Variants in DTD1 observed in about 807,000 individuals in gnomAD.
DTD1 encodes the protein D-aminoacyl-tRNA deacylase 1.
Under a neutral mutation model 25.6 loss-of-function variants are expected in DTD1, and 13 were observed. The observed-to-expected ratio is 0.51, with a 90% CI of 0.33 to 0.81. The LOEUF (loss-of-function observed/expected upper bound fraction) is 0.81. Among genes scored for constraint, DTD1 ranks in the 30% least tolerant of loss-of-function variants. The pLI, the probability that DTD1 is intolerant of heterozygous loss-of-function variation, is 0.02. For synonymous variants in DTD1, 110 were observed against 103.6 expected (o/e 1.06, Z -0.37); for missense variants, 193 against 266.4 (o/e 0.72, Z 1.92).
rs1223359269 is a variant in DTD1 at position 18,606,695 on chromosome 20, G to A, written c.370+10454G>A. On this transcript the variant is annotated intron_variant, in intron 3 of 5. Coordinates refer to ENST00000377452, the MANE Select transcript of DTD1 (RefSeq NM_080820.6). ...TCGCAAGAACAAAAAACCAAACACC[G>A]CATGTTCTCACTCATAGGTGGGAAT... 5.4e-5 allele frequency among the ~76,000 whole-genome samples: 7 copies of A among 129,710 alleles called. No individual in the cohort carries two copies. In the East Asian group the frequency reaches 1.1e-3, roughly 20 times the overall value. 85.1% of individuals were successfully genotyped at this position (129,710 alleles called of 152,430 possible). A position where few individuals can be genotyped will look rare whatever the true frequency, so the allele number is the denominator to read the frequency against.
chr20:18,655,368 T>C (rs2060887791), intron 4 of DTD1, among the ~76,000 whole-genome samples: 1 of 152,242 alleles, frequency 6.6e-6, no homozygotes, highest in East Asian at 1.9e-4. Context: ...TCTGTATGAG[T>C]TAGTTTTCTC....
intron 4 of DTD1, chr20:18,675,669 C>A (rs1443884823): frequency 6.8e-6 from 1 of 146,218 alleles, no homozygotes; most frequent in Non-Finnish European, 1.5e-5. Context: ...CTTCACATTA[C>A]CAAAATGGTT....
intron 4 of DTD1, among the ~76,000 whole-genome samples, chr20:18,676,576 G>A (rs956150161): frequency 1.3e-5 from 2 of 152,138 alleles, no homozygotes; most frequent in Non-Finnish European, 1.5e-5. Context: ...AAAATTGACG[G>A]TTGTATGTTT....
At chr20:18,661,543 T>C (rs559287392) in intron 4 of DTD1, among the ~76,000 whole-genome samples, 4 of 152,140 alleles carry the variant, frequency 2.6e-5, no homozygotes, top group Admixed American at 6.5e-5. Flanking sequence ...GGCTAATTTT[T>C]TGTATTTTTA....
chr20:18,626,881 C>T (rs1181021253), intron 3 of DTD1, among the ~76,000 whole-genome samples: 1 of 152,232 alleles, frequency 6.6e-6, no homozygotes, highest in Non-Finnish European at 1.5e-5. Flanking sequence ...TCCTCTTGAG[C>T]CTGCCTTCAG....
intron 4 of DTD1, among the ~76,000 whole-genome samples, chr20:18,727,605 A>C (rs1488760346): frequency 6.6e-6 from 1 of 152,138 alleles, no homozygotes; most frequent in Non-Finnish European, 1.5e-5. Context: ...TGCACAGTTC[A>C]TGGCCTGTAG....
chr20:18,702,539 C>G (rs746882191), intron 4 of DTD1, among the ~76,000 whole-genome samples: 2 of 152,146 alleles, frequency 1.3e-5, no homozygotes, highest in African/African-American at 2.4e-5. Context: ...AGACATTGAT[C>G]TACTGCAGAT....
rs118141694 is a variant in DTD1 at position 18,698,292 on chromosome 20, A to G, written c.478-45808A>G. 7.9e-3 allele frequency among the ~76,000 whole-genome samples: 1,198 copies of G among 152,344 alleles called. 8 individuals are homozygous for G. Among genetic ancestry groups the G allele is most frequent in the Non-Finnish European group, 0.012 (850 of 68,030 alleles). ...GGGCAATAGAGTCTGTCGAACCCCT[A>G]TGTGTCCAGCATCAGTGGACACCCA... On this transcript the variant is annotated intron_variant, in intron 4 of 5. Coordinates refer to ENST00000377452, the MANE Select transcript of DTD1 (RefSeq NM_080820.6).
intron 4 of DTD1, among the ~76,000 whole-genome samples, chr20:18,713,228 G>A (rs1568678678): frequency 1.3e-5 from 2 of 152,228 alleles, no homozygotes; most frequent in African/African-American, 2.4e-5. Flanking sequence ...TGTCCTCCTG[G>A]CATTTCAGGA....
chr20:18,631,899 C>G (rs1416095600), intron 4 of DTD1: 1 of 984,558 alleles, frequency 1.0e-6, no homozygotes, highest in Non-Finnish European at 1.2e-6. Flanking sequence ...TTCTTTCAAC[C>G]AGTACCCTCT....
intron 4 of DTD1, among the ~76,000 whole-genome samples, chr20:18,651,612 G>A (rs1469330062): frequency 1.3e-5 from 2 of 152,200 alleles, no homozygotes; most frequent in African/African-American, 4.8e-5. Flanking sequence ...CCTGGCCAGC[G>A]TTAGAACTTT....
intron 4 of DTD1, among the ~76,000 whole-genome samples, chr20:18,670,345 A>T (rs1331328049): frequency 2.0e-5 from 3 of 152,174 alleles, no homozygotes; most frequent in Non-Finnish European, 4.4e-5. Flanking sequence ...AATCCCAGCT[A>T]CTTGGAATGC....
chr20:18,641,248 G>A (rs2060827069), intron 4 of DTD1, among the ~76,000 whole-genome samples: 1 of 152,138 alleles, frequency 6.6e-6, no homozygotes, highest in African/African-American at 2.4e-5. Flanking sequence ...GTTTATCCAT[G>A]CACACTTGGG....
At chr20:18,594,731 A>G (rs1479132836) in intron 2 of DTD1, among the ~76,000 whole-genome samples, 1 of 152,182 alleles carries the variant, frequency 6.6e-6, no homozygotes, top group Non-Finnish European at 1.5e-5. Context: ...TATTTCAGTG[A>G]TGGTGGTATT....
At chr20:18,664,602 G>C (rs994044089) in intron 4 of DTD1, among the ~76,000 whole-genome samples, 40 of 152,166 alleles carry the variant, frequency 2.6e-4, no homozygotes, top group African/African-American at 9.4e-4. Context: ...GGGCTGATTT[G>C]GGGAATGGAT....
intron 4 of DTD1, among the ~76,000 whole-genome samples, chr20:18,670,564 C>T (rs900874628): frequency 1.1e-4 from 16 of 152,204 alleles, no homozygotes; most frequent in African/African-American, 3.4e-4. Flanking sequence ...GAACTTAAAA[C>T]TCTGCCACAG....
intron 4 of DTD1, among the ~76,000 whole-genome samples, chr20:18,638,330 T>C (rs917580776): frequency 2.0e-5 from 3 of 152,126 alleles, no homozygotes; most frequent in Non-Finnish European, 2.9e-5. Flanking sequence ...TGAAACAACA[T>C]TGTACCCTCA....
At chr20:18,697,091 G>A (rs371804128) in intron 4 of DTD1, among the ~76,000 whole-genome samples, 2 of 151,912 alleles carry the variant, frequency 1.3e-5, no homozygotes, top group African/African-American at 2.4e-5. Flanking sequence ...AATTGTCCAG[G>A]CGTGGTGGTG....
At chr20:18,659,942 T>C (rs2122369535) in intron 4 of DTD1, among the ~76,000 whole-genome samples, 1 of 150,972 alleles carries the variant, frequency 6.6e-6, no homozygotes. Context: ...AAAAAAAATA[T>C]TTTTTTACCA....
Sources: allele counts gnomAD v4.1 joint callset (sites outside exome capture counted in the v4.1 genomes callset), GRCh38; gene constraint gnomAD v4.1.1; transcripts MANE v1.5; gene names NCBI Gene and HGNC (gene_info 2026-07-23, HGNC 2026-07-21).